NRXN3: variants seen among roughly 807,000 people sequenced by gnomAD.
The protein encoded by NRXN3 is neurexin 3.
In NRXN3, 32 loss-of-function variants were observed where a neutral mutation model predicts 137.6. The observed-to-expected ratio is 0.23, with a 90% CI of 0.18 to 0.31. The LOEUF is 0.31. NRXN3 is among the 10% of genes least tolerant of loss of function. NRXN3 has a pLI of 1.00. For synonymous variants in NRXN3, 798 were observed against 784.5 expected (o/e 1.02, Z -0.29); for missense variants, 1,574 against 2,062.5 (o/e 0.76, Z 4.59).
chr14:78,621,969 A>C (rs115239283), intron 4 of NRXN3, among the ~76,000 whole-genome samples: 1,669 of 152,302 alleles, frequency 0.011, 43 homozygotes, highest in African/African-American at 0.038. Flanking sequence ...TAGTAAGGTA[A>C]TATGTGTCAA....
At chr14:79,058,470 A>G (rs1169767434) in intron 15 of NRXN3, among the ~76,000 whole-genome samples, 2 of 152,104 alleles carry the variant, frequency 1.3e-5, no homozygotes, top group African/African-American at 4.8e-5. Context: ...TTCTGAGAGC[A>G]AAGAGAATCC....
chr14:79,336,496 G>A (rs2092270433), intron 15 of NRXN3, among the ~76,000 whole-genome samples: 1 of 152,174 alleles, frequency 6.6e-6, no homozygotes. Flanking sequence ...AGAAGGAAGA[G>A]TTGTAAATGA....
intron 8 of NRXN3, among the ~76,000 whole-genome samples, chr14:78,785,069 T>C (rs2098784564): frequency 6.6e-6 from 1 of 152,168 alleles, no homozygotes; most frequent in South Asian, 2.1e-4. Flanking sequence ...GTTTTAGAAA[T>C]ATGAGTCTAG....
chr14:79,840,683 C>G (rs1370234097), intron 20 of NRXN3, among the ~76,000 whole-genome samples: 2 of 152,076 alleles, frequency 1.3e-5, no homozygotes, highest in East Asian at 3.9e-4. Flanking sequence ...CCCAGATTTA[C>G]TGCTATGTAA....
At chr14:78,238,555 G>T (rs1300797598) in intron 1 of NRXN3, among the ~76,000 whole-genome samples, 1 of 152,238 alleles carries the variant, frequency 6.6e-6, no homozygotes, top group Non-Finnish European at 1.5e-5. Context: ...TAGTGTAAGG[G>T]CATCTCTAGC....
intron 4 of NRXN3, among the ~76,000 whole-genome samples, chr14:78,607,546 G>A (rs1028636941): frequency 6.6e-6 from 1 of 152,062 alleles, no homozygotes; most frequent in Admixed American, 6.5e-5. Context: ...TACTATTATC[G>A]TGCACCTGCT....
intron 15 of NRXN3, among the ~76,000 whole-genome samples, chr14:79,366,448 C>T (rs2093896588): frequency 6.6e-6 from 1 of 152,096 alleles, no homozygotes; most frequent in African/African-American, 2.4e-5. Flanking sequence ...ACTGTCTCTA[C>T]CTTTCCCTTC....
rs116005313 is a variant in NRXN3, at chr14:78,176,602, A to G, written c.-704+5928A>G. Among the ~76,000 whole-genome samples the G allele has an allele frequency of 9.4e-3, 1,425 of 152,270 alleles. 15 individuals are homozygous for G. The highest frequency in any genetic ancestry group is 0.033 in the African/African-American group (1,360 of 41,542). On this transcript the variant is annotated intron_variant, in intron 1 of 20. Coordinates refer to ENST00000335750, the MANE Select transcript of NRXN3 (RefSeq NM_001330195.2). ...AGATGAATCATCTGTCATCTTATTC[A>G]GTGCCCTCAAGTACAAATGACAAGA...
Position 78,216,032 on chromosome 14 carries a change from T to C in NRXN3, c.-703-26359T>C, listed in dbSNP as rs60137667. The stretch of plus-strand genomic sequence containing the variant: ...AAAGAGGAAACAGAGGAGAAAGTTT[T>C]GTTAAAAATTTTTAGGGAGCATGGT... On this transcript the variant is annotated intron_variant, in intron 1 of 20. Coordinates refer to ENST00000335750, the MANE Select transcript of NRXN3 (RefSeq NM_001330195.2). Among the ~76,000 whole-genome samples the C allele has an allele frequency of 4.0e-3, 602 of 152,354 alleles. 33 individuals are homozygous for C. In the East Asian group the frequency reaches 0.1, roughly 26 times the overall value.
intron 15 of NRXN3, among the ~76,000 whole-genome samples, chr14:79,250,870 AAAAG>A (rs1194540363): frequency 2.0e-5 from 3 of 152,204 alleles, no homozygotes; most frequent in African/African-American, 4.8e-5. Context: ...AACATGACTT[AAAAG>A]AAAGAATCAT....
At chr14:78,734,427 T>C (rs1409693289) in intron 8 of NRXN3, among the ~76,000 whole-genome samples, 3 of 152,208 alleles carry the variant, frequency 2.0e-5, no homozygotes, top group Non-Finnish European at 2.9e-5. Context: ...TTTTAAATGA[T>C]ATTTACTCAA....
chr14:79,325,809 T>C (rs577061810), intron 15 of NRXN3, among the ~76,000 whole-genome samples: 1 of 152,330 alleles, frequency 6.6e-6, no homozygotes, highest in South Asian at 2.1e-4. Flanking sequence ...TGTAGTTCAC[T>C]CTCTGACTTG....
chr14:78,404,679 C>T (rs984979771), intron 4 of NRXN3, among the ~76,000 whole-genome samples: 1 of 152,122 alleles, frequency 6.6e-6, no homozygotes, highest in Non-Finnish European at 1.5e-5. Context: ...CTGCTTGGAT[C>T]AGAGTGAATA....
At chr14:79,176,023 A>AAAACC (rs746869900) in intron 15 of NRXN3, among the ~76,000 whole-genome samples, 4 of 152,338 alleles carry the variant, frequency 2.6e-5, no homozygotes, top group African/African-American at 7.2e-5. Context: ...AAGGAAGACA[A>AAAACC]AAACCAAACC....
intron 15 of NRXN3, among the ~76,000 whole-genome samples, chr14:79,038,258 C>A (rs147998684): frequency 2.1e-4 from 32 of 151,490 alleles, no homozygotes; most frequent in African/African-American, 7.5e-4. Context: ...AAGCAGAGAC[C>A]GAAAGGCATA....
At chr14:79,319,490 G>A (rs182506187) in intron 15 of NRXN3, among the ~76,000 whole-genome samples, 4 of 152,162 alleles carry the variant, frequency 2.6e-5, no homozygotes, top group African/African-American at 7.2e-5. Context: ...TTAACAATTA[G>A]CATTTAACAG....
At chr14:78,624,724 G>A (rs934935516) in intron 4 of NRXN3, among the ~76,000 whole-genome samples, 1 of 152,218 alleles carries the variant, frequency 6.6e-6, no homozygotes, top group East Asian at 1.9e-4. Context: ...TGGGTCTGAG[G>A]TGATGGGGTG....
intron 1 of NRXN3, among the ~76,000 whole-genome samples, chr14:78,197,134 G>T (rs974730588): frequency 6.6e-6 from 1 of 152,190 alleles, no homozygotes; most frequent in African/African-American, 2.4e-5. Flanking sequence ...TTTCCTTTGA[G>T]CTCTGCCCGT....
intron 4 of NRXN3, among the ~76,000 whole-genome samples, chr14:78,302,864 C>G (rs1167153078): frequency 1.3e-5 from 2 of 152,226 alleles, no homozygotes; most frequent in African/African-American, 4.8e-5. Flanking sequence ...CAGAATGTCT[C>G]TTGCATCTCT....
Sources: allele counts gnomAD v4.1 joint callset (sites outside exome capture counted in the v4.1 genomes callset), GRCh38; gene constraint gnomAD v4.1.1; transcripts MANE v1.5; gene names NCBI Gene and HGNC (gene_info 2026-07-23, HGNC 2026-07-21).